SH3D19: variants seen among roughly 807,000 people sequenced by gnomAD.
SH3D19 encodes SH3 domain-containing protein 19.
Under a neutral mutation model 112.1 loss-of-function variants are expected in SH3D19, and 58 were observed. The observed-to-expected ratio is 0.52, with a 90% CI of 0.42 to 0.64. The LOEUF (loss-of-function observed/expected upper bound fraction) is 0.64, where lower values mean the gene tolerates loss of function less well. Ranked by LOEUF, SH3D19 falls within the 30% of genes least tolerant of loss-of-function variation. The pLI is 0.00. For missense variants in SH3D19, 1,090 were observed against 1,263.4 expected, an observed-to-expected ratio of 0.86 and a Z score of 2.08; for synonymous variants, 391 against 448.5, an observed-to-expected ratio of 0.87 and a Z score of 1.62.
At chr4:151,231,099 T>C (rs184319766) in intron 1 of SH3D19, among the ~76,000 whole-genome samples, 39 of 152,252 alleles carry the variant, frequency 2.6e-4, no homozygotes, top group African/African-American at 8.9e-4. Context: ...AACAAATTAT[T>C]TGCAGCAGCA....
chr4:151,287,547 G>C (rs1424205860), intron 1 of SH3D19, among the ~76,000 whole-genome samples: 2 of 152,070 alleles, frequency 1.3e-5, no homozygotes, highest in South Asian at 2.1e-4. Context: ...GTTTCAACAG[G>C]AAGTCAAGTT....
At chr4:151,167,531 A>C (rs1433425075) in intron 7 of SH3D19, among the ~76,000 whole-genome samples, 1 of 152,070 alleles carries the variant, frequency 6.6e-6, no homozygotes, top group Non-Finnish European at 1.5e-5. Flanking sequence ...TTTTATATCA[A>C]TTTCTTTGTA....
chr4:151,171,485 G>T (rs899489177), intron 7 of SH3D19, among the ~76,000 whole-genome samples: 18 of 152,046 alleles, frequency 1.2e-4, no homozygotes, highest in African/African-American at 4.3e-4. Flanking sequence ...TGGCATTTTT[G>T]TCTACTTGTA....
At chr4:151,290,180 C>G (rs1775187144) in intron 1 of SH3D19, among the ~76,000 whole-genome samples, 1 of 152,150 alleles carries the variant, frequency 6.6e-6, no homozygotes, top group South Asian at 2.1e-4. Context: ...AAATGCCTGG[C>G]CTGATCCTCC....
rs777410667 is a variant in SH3D19, at chr4:151,122,205, A to T, written c.3030T>A (p.Ala1010=). 4 of 1,544,866 alleles carry T rather than the reference A, an allele frequency of 2.6e-6. No individual in the cohort carries two copies. The African/African-American group carries it at 5.4e-5, about 21-fold the overall frequency. The stretch of plus-strand genomic sequence containing the variant: ...ATTCCAGCTCTGTTATTATATCTCC[A>T]GCCTGTAAGACAAAAGGAGTTAGAA... The part of the protein sequence containing the change: ...GENEDELSFK[A]GDIITELESV... The change falls in exon 20 of 20, where the codon GCT becomes GCA. Residue 1010 remains alanine, a splice_region_variant and synonymous_variant. Coordinates refer to ENST00000604030, the MANE Select transcript of SH3D19 (RefSeq NM_001378122.1).
intron 13 of SH3D19, among the ~76,000 whole-genome samples, 157 bp from the exon 14 acceptor site, chr4:151,138,019 C>A (rs1269068749): frequency 6.6e-6 from 1 of 152,016 alleles, no homozygotes; most frequent in Non-Finnish European, 1.5e-5. Flanking sequence ...AAATGCTATT[C>A]TTTTTTTGGA....
intron 1 of SH3D19, among the ~76,000 whole-genome samples, chr4:151,239,842 AG>A (rs1267294316): frequency 5.3e-5 from 8 of 152,214 alleles, no homozygotes; most frequent in Admixed American, 3.9e-4. Context: ...GAGCTAATAG[AG>A]GGGGTAACAT....
rs77371927 is a variant in SH3D19 at position 151,175,532 on chromosome 4, T to C, written c.672A>G (p.Pro224=). 0.011 allele frequency: 15,899 copies of C among 1,404,286 alleles called. 374 individuals are homozygous for C. In the East Asian group the frequency reaches 0.12, roughly 10 times the overall value. The allele number at this position is 1,404,286 out of a possible 1,614,324, so 87.0% of individuals were successfully genotyped here. Residue 224 remains proline (P), a synonymous_variant, in exon 7 of 20, where the codon CCA becomes CCG. Coordinates refer to ENST00000604030, the MANE Select transcript of SH3D19 (RefSeq NM_001378122.1). ...CPENPSATRC[P]VPKPRSKSNL... ...TGCTTTTTGATCTTGGTTTTGGCAC[T>C]GGACATCTTGTAGCACTGGGGTTTT... is the stretch of plus-strand genomic sequence containing the variant.
At chr4:151,141,707 A>AT (rs1368477505) in intron 12 of SH3D19, among the ~76,000 whole-genome samples, 2 of 152,142 alleles carry the variant, frequency 1.3e-5, no homozygotes, top group Admixed American at 6.5e-5. Flanking sequence ...TGTGATTTTC[A>AT]TTTTTTTCTG....
chr4:151,285,707 A>C (rs1384499404), intron 1 of SH3D19, among the ~76,000 whole-genome samples: 2 of 152,004 alleles, frequency 1.3e-5, no homozygotes, highest in Non-Finnish European at 2.9e-5. Flanking sequence ...TCTCTACTAA[A>C]AATTTAAAAA....
rs114145427 is a variant in SH3D19 at position 151,191,624 on chromosome 4, T to G, written c.153-4161A>C. 5.7e-3 allele frequency among the ~76,000 whole-genome samples: 862 copies of G among 152,242 alleles called. 7 individuals carry two copies. The highest frequency in any genetic ancestry group is 0.02 in the African/African-American group (812 of 41,556). ...GATATACCCACTGGGGCAGCATGAC[T>G]GTCAGAAGAGTACAGAATCTGTTCT... On this transcript the variant is annotated intron_variant, in intron 2 of 19. Coordinates refer to ENST00000604030, the MANE Select transcript of SH3D19 (RefSeq NM_001378122.1).
At chr4:151,136,768 A>G (rs116669848) in intron 14 of SH3D19, among the ~76,000 whole-genome samples, 1,616 of 152,324 alleles carry the variant, frequency 0.011, 20 homozygotes, top group African/African-American at 0.035. Context: ...ATTATTCTTA[A>G]TATTAATTTA....
At position 151,143,971 on chromosome 4, in the gene SH3D19, A is replaced by G; in HGVS notation, c.2162T>C (p.Val721Ala). Reference protein sequence around the residue: ...ECQKGEDTGRVHLSQMKIITP... With the variant: ...ECQKGEDTGRAHLSQMKIITP... ...GATAATCTTCATTTGAGACAGGTGA[A>G]CTCTGCCAGTGTCTTCTCCCTTTTG... is the stretch of plus-strand genomic sequence containing the variant. Residue 721 changes from valine (V) to alanine (A), a missense_variant, in exon 12 of 20, where the codon GTT becomes GCT. Physicochemically the swap from Val to Ala is moderately conservative, Grantham distance 64. Transcript: ENST00000604030. 1.9e-6 allele frequency: 3 copies of G among 1,613,964 alleles called. No homozygotes were observed. The South Asian group carries it at 3.3e-5, about 18-fold the overall frequency.
chr4:151,282,988 A>C lies in SH3D19; in HGVS notation c.112+42253T>G, dbSNP rs572648432. ...GTACCAAAAGATCCACCCATAAGCA[A>C]ATATGATTGGAAAGGCATTGTAAGC... is the stretch of plus-strand genomic sequence containing the variant. On this transcript the variant is annotated intron_variant, in intron 1 of 19. Transcript: ENST00000604030. 9.3e-5 allele frequency: 66 copies of C among 707,628 alleles called. No individual in the cohort carries two copies. In the East Asian group the frequency reaches 1.6e-3, roughly 17 times the overall value. 43.8% of individuals were successfully genotyped at this position (707,628 alleles called of 1,614,324 possible).
chr4:151,274,460 T>G (rs1025205810), intron 1 of SH3D19, among the ~76,000 whole-genome samples: 1 of 152,198 alleles, frequency 6.6e-6, no homozygotes, highest in Admixed American at 6.5e-5. Flanking sequence ...ACCTATATCC[T>G]GGTTAGAAAA....
intron 3 of SH3D19, among the ~76,000 whole-genome samples, chr4:151,180,493 G>C (rs1352816198): frequency 7.1e-6 from 1 of 140,500 alleles, no homozygotes; most frequent in Admixed American, 7.8e-5. Context: ...TGCAAGCTCT[G>C]CCTCCTGGGT....
At chr4:151,126,075 A>G (rs910924261) in intron 19 of SH3D19, among the ~76,000 whole-genome samples, 1 of 152,124 alleles carries the variant, frequency 6.6e-6, no homozygotes, top group Non-Finnish European at 1.5e-5. Context: ...TACCTGATTC[A>G]GGTATTGCCT....
At chr4:151,200,945 C>T (rs1764311079) in intron 2 of SH3D19, among the ~76,000 whole-genome samples, 1 of 152,184 alleles carries the variant, frequency 6.6e-6, no homozygotes, top group Admixed American at 6.5e-5. Context: ...GCGAGTTGCT[C>T]ACATTTATCA....
intron 2 of SH3D19, among the ~76,000 whole-genome samples, chr4:151,209,952 G>T (rs557398754): frequency 6.6e-6 from 1 of 152,258 alleles, no homozygotes; most frequent in Non-Finnish European, 1.5e-5. Flanking sequence ...TAAACTGGAA[G>T]AAACAATATT....
Sources: allele counts gnomAD v4.1 joint callset (sites outside exome capture counted in the v4.1 genomes callset), GRCh38; gene constraint gnomAD v4.1.1; transcripts MANE v1.5; gene names NCBI Gene and HGNC (gene_info 2026-07-23, HGNC 2026-07-21).